The following CUX1 variants were observed in gnomAD, a reference collection of about 807,000 sequenced individuals.
The protein encoded by CUX1 is protein CASP.
A neutral mutation model predicts 158.8 loss-of-function variants in CUX1; 31 were observed. The observed-to-expected ratio is 0.20, with a 90% CI of 0.15 to 0.26. The LOEUF (loss-of-function observed/expected upper bound fraction) is 0.26, where lower values mean the gene tolerates loss of function less well. Among genes scored for constraint, CUX1 ranks in the 10% least tolerant of loss-of-function variants. The pLI, the probability that CUX1 is intolerant of heterozygous loss-of-function variation, is 1.00. For missense variants in CUX1, 1,589 were observed against 2,014.6 expected, an observed-to-expected ratio of 0.79 and a Z score of 4.04; for synonymous variants, 879 against 862.1, an observed-to-expected ratio of 1.02 and a Z score of -0.34.
chr7:102,267,354 C>T (rs1239205575), intron 14 of CUX1, among the ~76,000 whole-genome samples: 3 of 151,834 alleles, frequency 2.0e-5, no homozygotes, highest in East Asian at 3.9e-4. Flanking sequence ...GCCAACGTGA[C>T]GAAACTCTGT....
chr7:102,168,994 G>A (rs570315958), intron 9 of CUX1, among the ~76,000 whole-genome samples: 1 of 144,950 alleles, frequency 6.9e-6, no homozygotes, highest in African/African-American at 2.6e-5. Context: ...GTGCAATGGC[G>A]TGATCTCTGC....
At chr7:102,193,400 T>G (rs1299118015) in intron 12 of CUX1, among the ~76,000 whole-genome samples, 1 of 152,238 alleles carries the variant, frequency 6.6e-6, no homozygotes, top group Non-Finnish European at 1.5e-5. Context: ...TCTAGAGACA[T>G]TATCAGATTC....
intron 8 of CUX1, among the ~76,000 whole-genome samples, chr7:102,131,354 T>C (rs1465774834): frequency 1.3e-5 from 2 of 152,046 alleles, no homozygotes; most frequent in African/African-American, 2.4e-5. Flanking sequence ...AAAAGTTGTA[T>C]ATAAAAATTG....
At chr7:102,228,840 C>T (rs2132366279) in intron 21 of CUX1, among the ~76,000 whole-genome samples, 1 of 152,190 alleles carries the variant, frequency 6.6e-6, no homozygotes, top group South Asian at 2.1e-4. Context: ...CTGGCATCCT[C>T]GGGGCTCCAG....
At chr7:101,884,646 G>A (rs1437020659) in intron 1 of CUX1, among the ~76,000 whole-genome samples, 1 of 152,192 alleles carries the variant, frequency 6.6e-6, no homozygotes, top group East Asian at 1.9e-4. Flanking sequence ...CATAATGATT[G>A]TCAGTTTCAT....
intron 8 of CUX1, among the ~76,000 whole-genome samples, chr7:102,131,818 G>A (rs1053851185): frequency 1.6e-4 from 25 of 151,656 alleles, no homozygotes; most frequent in African/African-American, 5.1e-4. Context: ...GATTACAGGC[G>A]CGCACCACCA....
rs1386985568 is a variant in CUX1 at position 102,252,414 on chromosome 7, T to C, written c.*3372T>C. ...CCCCTTCCTCTTCACGCTCTATGAG[T>C]TTAAAAAGCTGATTTGTACCTCTCC... On this transcript the variant is annotated 3_prime_UTR_variant, in exon 24 of 24. Coordinates refer to ENST00000292535, the MANE Select transcript of CUX1 (RefSeq NM_181552.4). 1 of 985,308 alleles carries C rather than the reference T, an allele frequency of 1.0e-6. No individual in the cohort carries two copies. Among genetic ancestry groups the C allele is most frequent in the Non-Finnish European group, 1.2e-6 (1 of 829,954 alleles). The allele number at this position is 985,308 out of a possible 1,614,324, so 61.0% of individuals were successfully genotyped here. A position where few individuals can be genotyped will look rare whatever the true frequency, so the allele number is the denominator to read the frequency against.
chr7:102,089,741 T>A (rs1190891749), intron 4 of CUX1, among the ~76,000 whole-genome samples: 1 of 152,248 alleles, frequency 6.6e-6, no homozygotes, highest in Non-Finnish European at 1.5e-5. Flanking sequence ...CTCTGCAGAT[T>A]TCTGTAGCTC....
chr7:102,222,961 G>A (rs35144259), intron 20 of CUX1, among the ~76,000 whole-genome samples: 3,463 of 150,870 alleles, frequency 0.023, 59 homozygotes, highest in Middle Eastern at 0.048. Flanking sequence ...CTGGGCACGC[G>A]CCTGGCTAAT....
At chr7:102,122,872 G>T (rs1243353650) in intron 8 of CUX1, among the ~76,000 whole-genome samples, 1 of 151,774 alleles carries the variant, frequency 6.6e-6, no homozygotes, top group Non-Finnish European at 1.5e-5. Context: ...GGTGGGAGGG[G>T]GCTTACAGAC....
intron 2 of CUX1, among the ~76,000 whole-genome samples, chr7:101,976,563 A>G (rs942718588): frequency 1.3e-5 from 2 of 152,194 alleles, no homozygotes; most frequent in African/African-American, 4.8e-5. Flanking sequence ...AGAGAGCTGT[A>G]ATTGACTGTT....
chr7:102,281,983 A>G, intron 21 of CUX1: 2 of 1,169,056 alleles, frequency 1.7e-6, no homozygotes, highest in Non-Finnish European at 2.6e-6. Context: ...CCTCCAGGGC[A>G]GCAGGGGCCT....
chr7:102,229,574 AAC>A (rs1798738389), intron 21 of CUX1, among the ~76,000 whole-genome samples: 1 of 149,118 alleles, frequency 6.7e-6, no homozygotes, highest in South Asian at 2.1e-4. Flanking sequence ...GGCCTCCCAA[AAC>A]ACAGGGATTA....
rs1288390098 is a variant in CUX1, at chr7:102,208,455, G to A, written c.3130+3285G>A. On this transcript the variant is annotated intron_variant, in intron 20 of 23. Transcript: ENST00000292535. ...GGGGTTTCGCCCTGTTGGCCAGGTT[G>A]GTCTTGAACTCCCAACCTCAGGTGA... is the stretch of plus-strand genomic sequence containing the variant. Among the ~76,000 whole-genome samples, 3 of 152,190 alleles carry A rather than the reference G, an allele frequency of 2.0e-5. No individual in the cohort carries two copies. In the East Asian group the frequency reaches 5.8e-4, roughly 29 times the overall value.
chr7:102,258,364 T>G, downstream of CUX1: 5 of 167,042 alleles, frequency 3.0e-5, no homozygotes, highest in Non-Finnish European at 6.1e-5. Flanking sequence ...TGTCCGCAGG[T>G]CCTCGGGCGT....
At chr7:102,158,536 G>T (rs782733889) in intron 8 of CUX1, 24 bp from the exon 9 acceptor site, 1 of 1,613,588 alleles carries the variant, frequency 6.2e-7, no homozygotes, top group Non-Finnish European at 8.5e-7. Context: ...TGACTAACCT[G>T]CTCTCTCCCT....
chr7:102,206,074 C>CGCCAGCTT (rs1168802358), intron 20 of CUX1, among the ~76,000 whole-genome samples: 3 of 152,152 alleles, frequency 2.0e-5, no homozygotes, highest in Admixed American at 6.6e-5. Context: ...GCACGAAGCC[C>CGCCAGCTT]GCCAGCTTGC....
At chr7:101,946,825 A>C (rs1036278233) in intron 2 of CUX1, among the ~76,000 whole-genome samples, 1 of 152,210 alleles carries the variant, frequency 6.6e-6, no homozygotes, top group Non-Finnish European at 1.5e-5. Context: ...AGCAGACTCC[A>C]GTATTGATGC....
At chr7:102,082,296 G>A (rs1827506840) in intron 4 of CUX1, among the ~76,000 whole-genome samples, 1 of 146,698 alleles carries the variant, frequency 6.8e-6, no homozygotes, top group African/African-American at 2.4e-5. Flanking sequence ...GAGGCTGAGG[G>A]CAGGCGGATC....
Sources: allele counts gnomAD v4.1 joint callset (sites outside exome capture counted in the v4.1 genomes callset), GRCh38; gene constraint gnomAD v4.1.1; transcripts MANE v1.5; gene names NCBI Gene and HGNC (gene_info 2026-07-23, HGNC 2026-07-21).